Variants in CFAP54 observed in about 807,000 individuals in gnomAD.
CFAP54 encodes cilia and flagella associated protein 54.
A neutral mutation model predicts 370.4 loss-of-function variants in CFAP54; 290 were observed. The observed-to-expected ratio is 0.78, with a 90% confidence interval of 0.71 to 0.86. The LOEUF is 0.86. Ranked by LOEUF, CFAP54 falls within the 40% of genes least tolerant of loss-of-function variation. The pLI is 0.00. For missense variants in CFAP54, 3,399 were observed against 3,528.7 expected (o/e 0.96, Z 0.93); for synonymous variants, 1,206 against 1,236.5 (o/e 0.98, Z 0.52).
At chr12:96,722,106 T>C (rs34178730) in intron 50 of CFAP54, among the ~76,000 whole-genome samples, 36,871 of 152,092 alleles carry the variant, frequency 0.24, 4,659 homozygotes, top group South Asian at 0.29. Flanking sequence ...TCCTGGCCCA[T>C]GTGCAGGAAC....
chr12:96,747,688 T>C (rs1236858917), intron 55 of CFAP54, among the ~76,000 whole-genome samples: 3 of 152,232 alleles, frequency 2.0e-5, no homozygotes, highest in Non-Finnish European at 4.4e-5. Flanking sequence ...GCCTGAATCT[T>C]GGCATTACTA....
At chr12:96,519,145 C>T (rs1955274882) in intron 6 of CFAP54, 74 bp downstream of exon 6, 9 of 1,429,020 alleles carry the variant, frequency 6.3e-6, no homozygotes, top group Middle Eastern at 5.0e-4. Context: ...GTTGCCCAGG[C>T]TGGAGTGCAG....
intron 45 of CFAP54, among the ~76,000 whole-genome samples, chr12:96,695,325 G>T (rs1375763452): frequency 6.6e-6 from 1 of 152,156 alleles, no homozygotes; most frequent in Non-Finnish European, 1.5e-5. Context: ...TTTGAATTTC[G>T]CTTCGTGTCT....
At chr12:96,642,172 T>C (rs764190917) in intron 32 of CFAP54, among the ~76,000 whole-genome samples, 2 of 152,312 alleles carry the variant, frequency 1.3e-5, no homozygotes, top group African/African-American at 2.4e-5. Flanking sequence ...CAAATTGCTC[T>C]AGATTTGGCT....
intron 39 of CFAP54, among the ~76,000 whole-genome samples, chr12:96,666,799 C>G (rs1767926779): frequency 6.6e-6 from 1 of 152,184 alleles, no homozygotes; most frequent in Non-Finnish European, 1.5e-5. Flanking sequence ...CCTCACATTT[C>G]AAAACCAATC....
Position 96,835,303 on chromosome 12 carries a change from G to C in CFAP54, c.9171+6215G>C, listed in dbSNP as rs78468690. On this transcript the variant is annotated intron_variant, in intron 66 of 67. Transcript: ENST00000524981. ...AGCTCCTCTCTGCACCTGGTTGTCC[G>C]ATCGTCTACTCTGCCCTGGCTGAAC... 9.5e-3 allele frequency among the ~76,000 whole-genome samples: 1,444 copies of C among 152,178 alleles called. 55 individuals are homozygous for C. The East Asian group carries it at 0.099, about 10-fold the overall frequency.
chr12:96,623,404 G>C (rs1179861245), intron 27 of CFAP54, among the ~76,000 whole-genome samples: 1 of 152,172 alleles, frequency 6.6e-6, no homozygotes, highest in Non-Finnish European at 1.5e-5. Context: ...AGAATAAAGG[G>C]ATACATTTCT....
chr12:96,548,902 T>C (rs1955666854), intron 15 of CFAP54, among the ~76,000 whole-genome samples: 1 of 151,894 alleles, frequency 6.6e-6, no homozygotes, highest in African/African-American at 2.4e-5. Context: ...TTGCCCAGGC[T>C]GGAGTGCAGT....
intron 8 of CFAP54, among the ~76,000 whole-genome samples, 174 bp from the exon 9 acceptor site, chr12:96,527,072 T>G (rs977924129): frequency 2.0e-5 from 3 of 151,900 alleles, no homozygotes; most frequent in African/African-American, 7.3e-5. Context: ...ATTCTGAAAT[T>G]TTTTTGTTGA....
At chr12:96,648,887 C>A (rs367860640) in intron 34 of CFAP54, among the ~76,000 whole-genome samples, 1 of 152,028 alleles carries the variant, frequency 6.6e-6, no homozygotes, top group Non-Finnish European at 1.5e-5. Flanking sequence ...TGCGCCCGGC[C>A]GAAAACAGGG....
intron 17 of CFAP54, among the ~76,000 whole-genome samples, chr12:96,557,103 T>A (rs2136403440): frequency 6.6e-6 from 1 of 151,892 alleles, no homozygotes; most frequent in South Asian, 2.1e-4. Context: ...TATTCCTTTC[T>A]GGAGGCTCTG....
In CFAP54 at chr12:96,689,045, A is replaced by T. The variant is rs969921470; in HGVS notation, c.6081+63A>T. On this transcript the variant is annotated intron_variant, in intron 43 of 67. Coordinates refer to ENST00000524981, the MANE Select transcript of CFAP54 (RefSeq NM_001306084.2). ...CAACCATTCATTGGATCAGTAAAAA[A>T]AAGTTTATCATATTCAGAAAACTCA... 5.9e-6 allele frequency: 6 copies of T among 1,025,056 alleles called. No homozygotes were observed. In the Admixed American group the frequency reaches 1.4e-4, roughly 24 times the overall value. The allele number at this position is 1,025,056 out of a possible 1,614,324, so 63.5% of individuals were successfully genotyped here. A position where few individuals can be genotyped will look rare whatever the true frequency, so the allele number is the denominator to read the frequency against.
chr12:96,496,233 A>AATT (rs1954953333), intron 1 of CFAP54, among the ~76,000 whole-genome samples: 1 of 152,162 alleles, frequency 6.6e-6, no homozygotes, highest in Admixed American at 6.5e-5. Flanking sequence ...TACCCAAATG[A>AATT]ATTAATTGAC....
chr12:96,746,100 C>T (rs1179882320), intron 55 of CFAP54, among the ~76,000 whole-genome samples: 1 of 152,146 alleles, frequency 6.6e-6, no homozygotes, highest in African/African-American at 2.4e-5. Context: ...TGCTGTAGCT[C>T]CTAGTTGGCT....
At chr12:96,725,688 C>T (rs914517122) in intron 50 of CFAP54, among the ~76,000 whole-genome samples, 14 of 152,120 alleles carry the variant, frequency 9.2e-5, no homozygotes, top group African/African-American at 3.4e-4. Flanking sequence ...GCCTGATTGC[C>T]CTGGCCAGAA....
intron 60 of CFAP54, among the ~76,000 whole-genome samples, chr12:96,767,090 C>G (rs1384822516): frequency 6.6e-6 from 1 of 152,164 alleles, no homozygotes; most frequent in Non-Finnish European, 1.5e-5. Flanking sequence ...ACATCCCATC[C>G]CATTGGCCAC....
chr12:96,726,916 C>A (rs1948564988), intron 50 of CFAP54, among the ~76,000 whole-genome samples: 1 of 152,078 alleles, frequency 6.6e-6, no homozygotes, highest in South Asian at 2.1e-4. Context: ...TTTATTTCTG[C>A]CTTCATTTCG....
intron 33 of CFAP54, chr12:96,645,090 T>G: frequency 4.4e-6 from 2 of 453,896 alleles, no homozygotes; most frequent in South Asian, 3.1e-5. Context: ...AAATGTCTAT[T>G]TCATAGAGGC....
chr12:96,721,104 G>A (rs1378096067), intron 50 of CFAP54, among the ~76,000 whole-genome samples: 1 of 151,780 alleles, frequency 6.6e-6, no homozygotes, highest in Non-Finnish European at 1.5e-5. Flanking sequence ...TATATAGAAT[G>A]AACAAATTAA....
Sources: allele counts gnomAD v4.1 joint callset (sites outside exome capture counted in the v4.1 genomes callset), GRCh38; gene constraint gnomAD v4.1.1; transcripts MANE v1.5; gene names NCBI Gene and HGNC (gene_info 2026-07-23, HGNC 2026-07-21).